RAB3GAP2: variants seen among roughly 807,000 people sequenced by gnomAD.
The protein encoded by RAB3GAP2 is RAB3 GTPase activating non-catalytic protein subunit 2.
RAB3GAP2 carries 87 observed loss-of-function variants against 185.3 expected under a neutral mutation model. The ratio of observed to expected loss-of-function variants is 0.47; its 90% confidence interval spans 0.39 to 0.56. The LOEUF is 0.56. RAB3GAP2 is among the 20% of genes least tolerant of loss of function. RAB3GAP2 has a pLI of 0.00. For synonymous variants in RAB3GAP2, 554 were observed against 576.1 expected (o/e 0.96, Z 0.55); for missense variants, 1,492 against 1,638.2 (o/e 0.91, Z 1.54).
intron 10 of RAB3GAP2, 115 bp downstream of exon 10, chr1:220,196,135 T>C: frequency 7.5e-6 from 9 of 1,205,124 alleles, no homozygotes; most frequent in Non-Finnish European, 1.1e-5. Flanking sequence ...TCAATTGAAA[T>C]TTAGAAATGT....
rs550862670 is a variant in RAB3GAP2, at chr1:220,231,903, TTGACA to T, written c.180+891_180+895del. On this transcript the variant is annotated intron_variant, in intron 2 of 34. Coordinates refer to ENST00000358951, the MANE Select transcript of RAB3GAP2 (RefSeq NM_012414.4). The stretch of plus-strand genomic sequence containing the variant: ...TACAAAGTAGACAGAATGAAATAAC[TTGACA>T]TATTTGAATTGCCTGATCAACCAAC... Among the ~76,000 whole-genome samples, 15 of 152,352 alleles carry T rather than the reference TTGACA, an allele frequency of 9.8e-5. No homozygotes were observed. The East Asian group carries it at 2.9e-3, about 29-fold the overall frequency.
At chr1:220,157,648 A>G (rs912258887) in intron 30 of RAB3GAP2, among the ~76,000 whole-genome samples, 154 bp downstream of exon 30, 1 of 152,256 alleles carries the variant, frequency 6.6e-6, no homozygotes, top group African/African-American at 2.4e-5. Context: ...AGAATTTAAT[A>G]AGAAAACATC....
intron 21 of RAB3GAP2, among the ~76,000 whole-genome samples, chr1:220,181,402 T>C (rs1658401836): frequency 6.6e-6 from 1 of 152,174 alleles, no homozygotes; most frequent in Non-Finnish European, 1.5e-5. Flanking sequence ...TGTGTATGCA[T>C]GCATGTGTAG....
At chr1:220,189,630 G>T (rs974132870) in intron 17 of RAB3GAP2, 73 bp downstream of exon 17, 1 of 1,402,990 alleles carries the variant, frequency 7.1e-7, no homozygotes, top group Non-Finnish European at 9.6e-7. Flanking sequence ...GGGGAAATAG[G>T]AAAATAAAGA....
intron 3 of RAB3GAP2, 113 bp downstream of exon 3, chr1:220,213,743 G>GGA (rs1553278905): frequency 4.0e-5 from 39 of 971,764 alleles, no homozygotes; most frequent in African/African-American, 1.1e-4. Flanking sequence ...GGGGGGGGGG[G>GGA]GAGAGAGAGA....
chr1:220,269,648 G>A (rs1189797030), intron 1 of RAB3GAP2, among the ~76,000 whole-genome samples: 2 of 152,188 alleles, frequency 1.3e-5, no homozygotes, highest in Non-Finnish European at 2.9e-5. Flanking sequence ...CTTGAACCCA[G>A]GAGGTGGAGG....
intron 19 of RAB3GAP2, among the ~76,000 whole-genome samples, chr1:220,183,473 G>C (rs980162761): frequency 1.3e-5 from 2 of 151,724 alleles, no homozygotes; most frequent in South Asian, 2.1e-4. Flanking sequence ...GGCTGCTCTC[G>C]AACTCCTGGG....
intron 33 of RAB3GAP2, among the ~76,000 whole-genome samples, chr1:220,152,749 G>T (rs1442085068): frequency 1.3e-5 from 2 of 152,032 alleles, no homozygotes. Flanking sequence ...TAGAGACGGG[G>T]TCTCGCTATA....
At chr1:220,246,115 G>A (rs1659807800) in intron 1 of RAB3GAP2, among the ~76,000 whole-genome samples, 1 of 152,122 alleles carries the variant, frequency 6.6e-6, no homozygotes, top group South Asian at 2.1e-4. Context: ...AGTGGGCGAA[G>A]GACATGAACA....
chr1:220,219,039 T>A (rs1447504710), intron 2 of RAB3GAP2, among the ~76,000 whole-genome samples: 3 of 152,216 alleles, frequency 2.0e-5, no homozygotes, highest in Non-Finnish European at 4.4e-5. Flanking sequence ...TTAGCTATAA[T>A]ATTTTGCCCC....
At chr1:220,167,262 A>AAT (rs1325629633) in intron 26 of RAB3GAP2, 31 bp downstream of exon 26, 1 of 1,567,986 alleles carries the variant, frequency 6.4e-7, no homozygotes, top group Non-Finnish European at 8.8e-7. Context: ...CAGAAGCAGA[A>AAT]ATAACATGAA....
rs1299515833 is a variant in RAB3GAP2 at position 220,191,761 on chromosome 1, T to C, written c.1271-477A>G. Reference sequence around the variant, plus strand: ...TGAACCCAGGAGGTGGAGGTTGCAGTGAGCCCAGATCGCACCATTGAACTC... The same window carrying C: ...TGAACCCAGGAGGTGGAGGTTGCAGCGAGCCCAGATCGCACCATTGAACTC... On this transcript the variant is annotated intron_variant, in intron 13 of 34. Coordinates refer to ENST00000358951, the MANE Select transcript of RAB3GAP2 (RefSeq NM_012414.4). 1.3e-4 allele frequency among the ~76,000 whole-genome samples: 19 copies of C among 150,824 alleles called. No homozygotes were observed. In the South Asian group the frequency reaches 3.6e-3, roughly 28 times the overall value.
At chr1:220,202,238 A>T in intron 9 of RAB3GAP2, 38 bp downstream of exon 9, 1 of 1,598,216 alleles carries the variant, frequency 6.3e-7, no homozygotes, top group Non-Finnish European at 8.5e-7. Context: ...AAAGTGTAAG[A>T]AGTAAATTCC....
In RAB3GAP2 at chr1:220,214,946, TTATATATATATATA is replaced by T. The variant is rs10526805; in HGVS notation, c.181-981_181-968del. On this transcript the variant is annotated intron_variant, in intron 2 of 34. Transcript: ENST00000358951. ...CCTTTTTCTTACAAGAATAGTAGCA[TTATATATATATATA>T]TATATATATATATATACTTCTATAC... 3.1e-3 allele frequency among the ~76,000 whole-genome samples: 282 copies of T among 89,628 alleles called. 9 individuals carry two copies. The highest frequency in any genetic ancestry group is 0.026 in the East Asian group (56 of 2,166). The allele number at this position is 89,628 out of a possible 152,430, so 58.8% of individuals were successfully genotyped here.
rs138071481 is a variant in RAB3GAP2, at chr1:220,254,404, C to G, written c.115+17819G>C. On this transcript the variant is annotated intron_variant, in intron 1 of 34. Coordinates refer to ENST00000358951, the MANE Select transcript of RAB3GAP2 (RefSeq NM_012414.4). ...TGGAGCAATGTTGGCCTATACACCT[C>G]TGGATGAGAAGAGCCTTGCTTTATT... 567 of 1,612,996 alleles carry G rather than the reference C, an allele frequency of 3.5e-4. 3 individuals carry two copies. In the African/African-American group the frequency reaches 6.3e-3, roughly 18 times the overall value.
At chr1:220,169,671 C>T (rs1305741507) in intron 24 of RAB3GAP2, among the ~76,000 whole-genome samples, 1 of 152,070 alleles carries the variant, frequency 6.6e-6, no homozygotes, top group African/African-American at 2.4e-5. Context: ...TATTGGAGAG[C>T]AAGCTTAAGA....
intron 2 of RAB3GAP2, among the ~76,000 whole-genome samples, chr1:220,226,471 A>G (rs1190751559): frequency 6.6e-6 from 1 of 151,490 alleles, no homozygotes; most frequent in Non-Finnish European, 1.5e-5. Context: ...ACTATTTGTT[A>G]TAGGATCATC....
In RAB3GAP2 at chr1:220,271,976, C is replaced by T. The variant is rs73095636; in HGVS notation, c.115+247G>A. 0.083 allele frequency among the ~76,000 whole-genome samples: 12,598 copies of T among 151,422 alleles called. 782 individuals are homozygous for T. The highest frequency in any genetic ancestry group is 0.17 in the African/African-American group (7,060 of 41,110). ...GGTGATAGGCAGAGGCGAGAGGAAA[C>T]AAGACGCAGTTTTTAGCCAGGGGTC... On this transcript the variant is annotated intron_variant, in intron 1 of 34. Coordinates refer to ENST00000358951, the MANE Select transcript of RAB3GAP2 (RefSeq NM_012414.4).
intron 26 of RAB3GAP2, among the ~76,000 whole-genome samples, chr1:220,166,552 G>A (rs1401047477): frequency 6.6e-6 from 1 of 152,228 alleles, no homozygotes; most frequent in East Asian, 1.9e-4. Context: ...GCCCTCTTGA[G>A]CCAGAAGCTT....
Sources: gnomAD v4.1 joint callset for allele counts (sites outside exome capture counted in the v4.1 genomes callset) on GRCh38, gnomAD v4.1.1 for gene constraint, MANE v1.5 for transcripts, NCBI Gene and HGNC (gene_info 2026-07-23, HGNC 2026-07-21) for gene names.